Variants in FARP1 observed in about 807,000 individuals in gnomAD.
FARP1 encodes FERM, ARH/RhoGEF and pleckstrin domain protein 1, also known as FERM, ARHGEF and pleckstrin domain-containing protein 1.
Under a neutral mutation model 128.8 loss-of-function variants are expected in FARP1, and 52 were observed. That is an observed-to-expected ratio of 0.40 (90% CI 0.32 to 0.51). The LOEUF (loss-of-function observed/expected upper bound fraction) is 0.51, where lower values mean the gene tolerates loss of function less well. Ranked by LOEUF, FARP1 falls within the 20% of genes least tolerant of loss-of-function variation. FARP1 has a pLI of 0.45. For missense variants in FARP1, 1,333 were observed against 1,367.9 expected, an observed-to-expected ratio of 0.97 and a Z score of 0.40; for synonymous variants, 580 against 551.8, an observed-to-expected ratio of 1.05 and a Z score of -0.72.
Position 98,368,166 on chromosome 13 carries a change from C to A in FARP1, c.369C>A (p.Asp123Glu), listed in dbSNP as rs1889179619. The A allele has an allele frequency of 6.2e-7, 1 of 1,613,846 alleles. No homozygotes were observed. Among genetic ancestry groups the A allele is most frequent in the Non-Finnish European group, 8.5e-7 (1 of 1,179,804 alleles). Reference protein sequence around the residue: ...VKFVVKFFPPDHTQLQEELTR... With the variant: ...VKFVVKFFPPEHTQLQEELTR... ...TTGTGGTGAAATTCTTTCCGCCTGACCACACACAACTCCAAGAAGAACTCA... is the reference window on the plus strand; with the variant it reads ...TTGTGGTGAAATTCTTTCCGCCTGAACACACACAACTCCAAGAAGAACTCA... Residue 123 changes from aspartate to glutamate, a missense_variant, in exon 5 of 27, where the codon GAC becomes GAA. Around this residue, in one of 2 missense-constraint regions of FARP1, gnomAD observed 324 missense variants for 398.1 expected, o/e 0.81. Transcript: ENST00000319562.
At chr13:98,173,855 C>T (rs980530432) in intron 1 of FARP1, among the ~76,000 whole-genome samples, 5 of 152,300 alleles carry the variant, frequency 3.3e-5, no homozygotes, top group Admixed American at 6.5e-5. Flanking sequence ...TTCACTTCCC[C>T]AGCAGGGTGC....
chr13:98,372,086 T>TTC (rs986887695), intron 5 of FARP1, among the ~76,000 whole-genome samples: 3 of 141,620 alleles, frequency 2.1e-5, no homozygotes, highest in African/African-American at 8.0e-5. Flanking sequence ...TTTTTCTTTT[T>TTC]TTTTTTTTTT....
At chr13:98,346,124 A>G (rs1340785449) in intron 3 of FARP1, among the ~76,000 whole-genome samples, 5 of 151,654 alleles carry the variant, frequency 3.3e-5, no homozygotes, top group Non-Finnish European at 5.9e-5. Context: ...TTCTGACCAT[A>G]TCACTAAACT....
chr13:98,188,137 G>A (rs1485735877), intron 1 of FARP1, among the ~76,000 whole-genome samples: 1 of 152,162 alleles, frequency 6.6e-6, no homozygotes, highest in African/African-American at 2.4e-5. Context: ...CAGGTTGAGT[G>A]GACTTTCCTG....
rs146619702 is a variant in FARP1 at position 98,161,070 on chromosome 13, A to G, written c.-24+17578A>G. ...ATGGAACAGAAGTTAGAATTCCCCT[A>G]TGCCCTCCTGCTGAACCTTCCCTAC... On this transcript the variant is annotated intron_variant, in intron 1 of 26. Transcript: ENST00000319562. Among the ~76,000 whole-genome samples the G allele has an allele frequency of 2.6e-3, 390 of 152,134 alleles. 1 individual carries two copies. Among genetic ancestry groups the G allele is most frequent in the African/African-American group, 3.4e-3 (141 of 41,524 alleles).
intron 1 of FARP1, among the ~76,000 whole-genome samples, chr13:98,174,527 A>G (rs1877859224): frequency 6.6e-6 from 1 of 152,192 alleles, no homozygotes; most frequent in Non-Finnish European, 1.5e-5. Flanking sequence ...TAGCCCTTTG[A>G]CAGAACTGAC....
chr13:98,325,732 C>T (rs118149456), intron 2 of FARP1, among the ~76,000 whole-genome samples: 1,894 of 152,362 alleles, frequency 0.012, 23 homozygotes, highest in Non-Finnish European at 0.015. Flanking sequence ...ATATTTGTAG[C>T]TTGTCCAGTT....
intron 1 of FARP1, among the ~76,000 whole-genome samples, chr13:98,145,672 G>A (rs1431043129): frequency 6.6e-6 from 1 of 152,158 alleles, no homozygotes; most frequent in Admixed American, 6.5e-5. Context: ...TTCCCAGCCT[G>A]GCTAATATGG....
chr13:98,262,748 C>CA (rs1245997008), intron 2 of FARP1, among the ~76,000 whole-genome samples: 2 of 152,032 alleles, frequency 1.3e-5, no homozygotes, highest in Non-Finnish European at 2.9e-5. Context: ...AAAATTAAAG[C>CA]AATGGAAATA....
chr13:98,264,992 A>G (rs573067129), intron 2 of FARP1, among the ~76,000 whole-genome samples: 3 of 152,316 alleles, frequency 2.0e-5, no homozygotes, highest in Non-Finnish European at 2.9e-5. Flanking sequence ...CTTATCTAGC[A>G]TGGTACTCAG....
chr13:98,323,387 CTTT>C (rs71792049), intron 2 of FARP1, among the ~76,000 whole-genome samples: 1 of 133,526 alleles, frequency 7.5e-6, no homozygotes, highest in Non-Finnish European at 1.6e-5. Flanking sequence ...ATTCACATGG[CTTT>C]TTTTTTTTTT....
intron 1 of FARP1, among the ~76,000 whole-genome samples, chr13:98,202,251 A>C (rs79827917): frequency 3.1e-3 from 467 of 152,246 alleles, no homozygotes; most frequent in Non-Finnish European, 5.1e-3. Context: ...GCAGAGCCAG[A>C]TGCACGGAGC....
intron 26 of FARP1, chr13:98,447,971 TCGCTCCTAA>T: frequency 2.0e-6 from 1 of 502,146 alleles, no homozygotes; most frequent in South Asian, 2.7e-5. Context: ...AGAGGCCACC[TCGCTCCTAA>T]CTGCTCCAAT....
chr13:98,440,694 C>T lies in FARP1; in HGVS notation c.2654C>T (p.Ala885Val), dbSNP rs779716619. 3.1e-6 allele frequency: 5 copies of T among 1,613,006 alleles called. No homozygotes were observed. The African/African-American group carries it at 5.3e-5, about 17-fold the overall frequency. Reference protein sequence around the residue: ...DNKSPDEATAADQESEDDLSA... With the variant: ...DNKSPDEATAVDQESEDDLSA... ...GAGTCCCCTGATGAAGCCACCGCGG[C>T]TGACCAGGAGTCAGAGGATGACCTG... The change falls in exon 24 of 27, where the codon GCT becomes GTT. Residue 885 changes from alanine (A) to valine (V), a missense_variant. This residue lies in a region of FARP1 where 1,009 missense variants were observed against 969.8 expected (regional missense o/e 1.04). Transcript: ENST00000319562.
At chr13:98,159,832 C>T (rs1876752239) in intron 1 of FARP1, among the ~76,000 whole-genome samples, 2 of 152,202 alleles carry the variant, frequency 1.3e-5, no homozygotes, top group African/African-American at 4.8e-5. Flanking sequence ...GTATTTGGCA[C>T]TCCCTTAAAT....
chr13:98,333,436 T>TACACACACACACACACACAC (rs60264788), intron 2 of FARP1, among the ~76,000 whole-genome samples: 6 of 139,664 alleles, frequency 4.3e-5, no homozygotes, highest in Admixed American at 1.4e-4. Flanking sequence ...CCCCCACATG[T>TACACACACACACACACACAC]ACACACACAC....
intron 2 of FARP1, among the ~76,000 whole-genome samples, chr13:98,311,875 G>A (rs1014251774): frequency 2.7e-4 from 40 of 149,256 alleles, no homozygotes; most frequent in African/African-American, 9.6e-4. Flanking sequence ...ACGGAGTCTC[G>A]CTCTGTCACC....
chr13:98,430,494 C>T (rs2139046748), intron 17 of FARP1, among the ~76,000 whole-genome samples: 1 of 152,316 alleles, frequency 6.6e-6, no homozygotes, highest in East Asian at 1.9e-4. Flanking sequence ...CTGTCCCCAT[C>T]CCCACCATGA....
At chr13:98,177,167 T>A (rs1594234410) in intron 1 of FARP1, 1 of 1,607,522 alleles carries the variant, frequency 6.2e-7, no homozygotes, top group East Asian at 2.2e-5. Context: ...CGTCCAGGCT[T>A]TTTGAAGAGG....
Sources: gnomAD v4.1 joint callset for allele counts (sites outside exome capture counted in the v4.1 genomes callset) on GRCh38, gnomAD v4.1.1 for gene constraint, gnomAD v4.1.1 regional missense constraint, MANE v1.5 for transcripts, NCBI Gene and HGNC (gene_info 2026-07-23, HGNC 2026-07-21) for gene names.